SLC10A7: variants seen among roughly 807,000 people sequenced by gnomAD.
SLC10A7 encodes solute carrier family 10 member 7.
Under a neutral mutation model 43.2 loss-of-function variants are expected in SLC10A7, and 29 were observed. The ratio of observed to expected loss-of-function variants is 0.67; its 90% CI spans 0.50 to 0.92. The LOEUF is 0.92. SLC10A7 is among the 40% of genes least tolerant of loss of function. The pLI is 0.00. For missense variants in SLC10A7, 295 were observed against 403.2 expected, an observed-to-expected ratio of 0.73 and a Z score of 2.30; for synonymous variants, 152 against 144.8, an observed-to-expected ratio of 1.05 and a Z score of -0.35.
chr4:146,517,844 C>T (rs1738165130), intron 1 of SLC10A7, among the ~76,000 whole-genome samples: 1 of 152,124 alleles, frequency 6.6e-6, no homozygotes, highest in African/African-American at 2.4e-5. Context: ...TCTAGGATAT[C>T]AGAAACAAAA....
At chr4:146,393,638 A>G (rs527497042) in intron 5 of SLC10A7, among the ~76,000 whole-genome samples, 3 of 152,254 alleles carry the variant, frequency 2.0e-5, no homozygotes, top group Non-Finnish European at 4.4e-5. Flanking sequence ...CATACTGAGT[A>G]ATTTCTATAA....
chr4:146,443,230 G>GCTCC (rs34780703), intron 4 of SLC10A7, among the ~76,000 whole-genome samples: 124,008 of 151,736 alleles, frequency 0.82, 51,338 homozygotes, highest in African/African-American at 0.93. Flanking sequence ...AACATTAATT[G>GCTCC]CTGTCAGTGG....
intron 4 of SLC10A7, among the ~76,000 whole-genome samples, chr4:146,454,318 T>C (rs1051436122): frequency 6.6e-6 from 1 of 151,910 alleles, no homozygotes; most frequent in African/African-American, 2.4e-5. Context: ...GGTGTTCAAT[T>C]TCTATAAAAT....
intron 5 of SLC10A7, among the ~76,000 whole-genome samples, chr4:146,355,790 C>CA (rs1460005405): frequency 7.7e-5 from 11 of 142,074 alleles, no homozygotes; most frequent in Non-Finnish European, 1.5e-4. Flanking sequence ...ATCGCAAGAA[C>CA]AAAAAACCAA....
chr4:146,289,017 G>T (rs577183787), intron 9 of SLC10A7, among the ~76,000 whole-genome samples: 3 of 152,252 alleles, frequency 2.0e-5, no homozygotes, highest in Admixed American at 1.3e-4. Context: ...AACAGAAAAG[G>T]TCCTTTGAGA....
intron 8 of SLC10A7, among the ~76,000 whole-genome samples, 162 bp from the exon 9 acceptor site, chr4:146,293,142 A>G (rs1730555367): frequency 6.6e-6 from 1 of 152,242 alleles, no homozygotes; most frequent in Admixed American, 6.5e-5. Context: ...AATCATTTAA[A>G]TTAGTGGGAC....
Position 146,484,078 on chromosome 4 carries a change from G to T in SLC10A7, c.396+19771C>A, listed in dbSNP as rs80004574. ...TAATAATGAAAAGATCAGGCCAGGT[G>T]CAGTGGCTCACATCTGTAATTCCAA... On this transcript the variant is annotated intron_variant, in intron 4 of 11. Transcript: ENST00000335472. Among the ~76,000 whole-genome samples, 189 of 152,298 alleles carry T rather than the reference G, an allele frequency of 1.2e-3. 1 individual carries two copies. The South Asian group carries it at 0.024, about 19-fold the overall frequency.
intron 5 of SLC10A7, among the ~76,000 whole-genome samples, chr4:146,400,946 T>C (rs1739183898): frequency 6.6e-6 from 1 of 152,182 alleles, no homozygotes; most frequent in South Asian, 2.1e-4. Flanking sequence ...AATATCTACT[T>C]ACATATAAAA....
chr4:146,314,199 G>A (rs1045614721), intron 6 of SLC10A7, among the ~76,000 whole-genome samples: 3 of 152,076 alleles, frequency 2.0e-5, no homozygotes, highest in Admixed American at 6.6e-5. Flanking sequence ...TGCCTGTTAC[G>A]TGGGATTATG....
At chr4:146,437,774 T>C (rs981857050) in intron 5 of SLC10A7, among the ~76,000 whole-genome samples, 1 of 152,078 alleles carries the variant, frequency 6.6e-6, no homozygotes, top group Non-Finnish European at 1.5e-5. Flanking sequence ...AGATTCTTGA[T>C]CTAGTTTTTA....
intron 5 of SLC10A7, among the ~76,000 whole-genome samples, chr4:146,350,396 CGCTGATTGCTA>C (rs371994887): frequency 2.1e-5 from 2 of 94,792 alleles, no homozygotes; most frequent in Non-Finnish European, 4.3e-5. Context: ...CACGGAATCT[CGCTGATTGCTA>C]GCACAGCAGT....
chr4:146,508,180 C>G (rs1036397723), intron 3 of SLC10A7, among the ~76,000 whole-genome samples: 1 of 152,132 alleles, frequency 6.6e-6, no homozygotes, highest in African/African-American at 2.4e-5. Context: ...CCAACCTTTG[C>G]TGAACTGCTT....
chr4:146,385,392 T>C lies in SLC10A7; in HGVS notation c.435+57391A>G, dbSNP rs201021749. On this transcript the variant is annotated intron_variant, in intron 5 of 11. Transcript: ENST00000335472. ...ACAGCATAATCAAATAGGTGAAAAG[T>C]AGAATCTCATTGCTTTAACTTAAAT... Among the ~76,000 whole-genome samples the C allele has an allele frequency of 3.9e-5, 6 of 152,274 alleles. No individual in the cohort carries two copies. The East Asian group carries it at 1.2e-3, about 29-fold the overall frequency.
chr4:146,441,787 T>C (rs181935210), intron 5 of SLC10A7: 44 of 985,308 alleles, frequency 4.5e-5, no homozygotes, highest in Non-Finnish European at 8.4e-6. Flanking sequence ...TACATCATTA[T>C]AAACTCTGTA....
At chr4:146,467,322 C>T (rs1733116294) in intron 4 of SLC10A7, among the ~76,000 whole-genome samples, 1 of 152,026 alleles carries the variant, frequency 6.6e-6, no homozygotes, top group South Asian at 2.1e-4. Flanking sequence ...AATCATTTTT[C>T]TACACAACTT....
intron 5 of SLC10A7, among the ~76,000 whole-genome samples, chr4:146,337,730 G>A (rs552856927): frequency 6.6e-6 from 1 of 151,964 alleles, no homozygotes; most frequent in South Asian, 2.1e-4. Flanking sequence ...CTAACCTAAG[G>A]AAGTGTCAGA....
intron 5 of SLC10A7, among the ~76,000 whole-genome samples, chr4:146,406,945 T>A (rs1337265896): frequency 6.6e-6 from 1 of 152,092 alleles, no homozygotes; most frequent in Non-Finnish European, 1.5e-5. Flanking sequence ...ATCACACCAC[T>A]GCACTCCAGC....
intron 5 of SLC10A7, among the ~76,000 whole-genome samples, chr4:146,388,902 T>C (rs2149800701): frequency 6.6e-6 from 1 of 152,138 alleles, no homozygotes; most frequent in South Asian, 2.1e-4. Context: ...TGGGACTTAA[T>C]TAAAAAGCTC....
chr4:146,462,264 T>C (rs963454148), intron 4 of SLC10A7, among the ~76,000 whole-genome samples: 2 of 152,150 alleles, frequency 1.3e-5, no homozygotes, highest in African/African-American at 4.8e-5. Flanking sequence ...TCTTTTTTGT[T>C]AGTAAAATCA....
Sources: allele counts gnomAD v4.1 joint callset (sites outside exome capture counted in the v4.1 genomes callset), GRCh38; gene constraint gnomAD v4.1.1; transcripts MANE v1.5; gene names NCBI Gene and HGNC (gene_info 2026-07-23, HGNC 2026-07-21).